Variants in SETD2 observed in about 807,000 individuals in gnomAD.
The protein encoded by SETD2 is SET domain containing 2, histone lysine methyltransferase, also known as histone-lysine N-methyltransferase SETD2.
A neutral mutation model predicts 242.1 loss-of-function variants in SETD2; 31 were observed. That is an observed-to-expected ratio of 0.13 (90% CI 0.10 to 0.17). SETD2 has a LOEUF of 0.17. Ranked by LOEUF, SETD2 falls within the 10% of genes least tolerant of loss-of-function variation. SETD2 has a pLI of 1.00. For missense variants in SETD2, 2,481 were observed against 3,046.3 expected (o/e 0.81, Z 4.37); for synonymous variants, 1,006 against 1,066.5 (o/e 0.94, Z 1.11).
In SETD2 at chr3:47,031,320, T is replaced by C. The variant is rs186235859; in HGVS notation, c.7350+6346A>G. Among the ~76,000 whole-genome samples the C allele has an allele frequency of 2.1e-3, 318 of 152,332 alleles. 1 individual carries two copies. The highest frequency in any genetic ancestry group is 7.4e-3 in the African/African-American group (306 of 41,572). ...ACAAAGTACCACTCTTGTGCTTTGATGTTGACAGAAAGGGAAGCTTGTGCG... is the reference window on the plus strand; with the variant it reads ...ACAAAGTACCACTCTTGTGCTTTGACGTTGACAGAAAGGGAAGCTTGTGCG... On this transcript the variant is annotated intron_variant, in intron 18 of 20. Coordinates refer to ENST00000409792, the MANE Select transcript of SETD2 (RefSeq NM_014159.7).
In SETD2 at chr3:47,019,743, T is replaced by C. The variant is rs755841858; in HGVS notation, c.7431+17A>G. 3 of 1,605,068 alleles carry C rather than the reference T, an allele frequency of 1.9e-6. No individual in the cohort carries two copies. The highest frequency in any genetic ancestry group is 1.7e-6 in the Non-Finnish European group (2 of 1,171,852). ...TTAAGCCTGAGGAGCTTAGTGCTTA[T>C]ATCCACCAAACCTTACCTCTTTTCT... On this transcript the variant is annotated intron_variant, in intron 19 of 20. Transcript: ENST00000409792.
intron 12 of SETD2, among the ~76,000 whole-genome samples, chr3:47,079,450 T>C (rs1302364192): frequency 6.6e-6 from 1 of 152,152 alleles, no homozygotes; most frequent in Non-Finnish European, 1.5e-5. Flanking sequence ...AAAAACTAAT[T>C]TCATGGGCAG....
intron 5 of SETD2, among the ~76,000 whole-genome samples, chr3:47,108,539 A>G (rs191321296): frequency 6.6e-6 from 1 of 152,294 alleles, no homozygotes; most frequent in East Asian, 1.9e-4. Context: ...GCTTTCTTGA[A>G]TTTTACTAAA....
rs555880158 is a variant in SETD2, at chr3:47,085,856, T to C, written c.5397+339A>G. On this transcript the variant is annotated intron_variant, in intron 11 of 20. Transcript: ENST00000409792. ...AATTCTTTAGACCCCACAGTTCAAA[T>C]TTTATATGACTTCCCATCTTTTTAA... 1.4e-4 allele frequency among the ~76,000 whole-genome samples: 21 copies of C among 152,056 alleles called. No individual in the cohort carries two copies. The East Asian group carries it at 4.1e-3, about 29-fold the overall frequency.
chr3:47,042,499 T>C (rs182205596), intron 17 of SETD2, 62 bp downstream of exon 17: 17 of 1,562,818 alleles, frequency 1.1e-5, no homozygotes, highest in South Asian at 3.3e-5. Flanking sequence ...ACTCCCCTTA[T>C]AGTGGCAACT....
chr3:47,030,317 A>T (rs1237303538), intron 18 of SETD2, among the ~76,000 whole-genome samples: 1 of 152,192 alleles, frequency 6.6e-6, no homozygotes, highest in South Asian at 2.1e-4. Flanking sequence ...GGATGAGCTT[A>T]GCTAATTCAA....
chr3:47,059,217 AGT>A (rs1394245321), intron 14 of SETD2, among the ~76,000 whole-genome samples: 7 of 148,352 alleles, frequency 4.7e-5, no homozygotes, highest in South Asian at 2.1e-4. Context: ...CCCGGGTTCA[AGT>A]GCTTCTCCTG....
chr3:47,027,126 G>A (rs147807315), intron 18 of SETD2, among the ~76,000 whole-genome samples: 2,912 of 151,994 alleles, frequency 0.019, 48 homozygotes, highest in Non-Finnish European at 0.029. Flanking sequence ...ACAAGGTCAG[G>A]AGATCGAGAT....
chr3:47,086,363 C>G lies in SETD2; in HGVS notation c.5278-49G>C, dbSNP rs1339465238. The G allele has an allele frequency of 1.9e-6, 3 of 1,589,896 alleles. No homozygotes were observed. In the South Asian group the frequency reaches 3.3e-5, roughly 18 times the overall value. ...GATGCAGAGCATTGGGAGGCAATAT[C>G]AGAATATTACAAAGAGCCCGAGGAG... On this transcript the variant is annotated intron_variant, in intron 10 of 20. Coordinates refer to ENST00000409792, the MANE Select transcript of SETD2 (RefSeq NM_014159.7).
At chr3:47,043,780 T>C (rs2039391219) in intron 16 of SETD2, among the ~76,000 whole-genome samples, 1 of 152,162 alleles carries the variant, frequency 6.6e-6, no homozygotes, top group Non-Finnish European at 1.5e-5. Context: ...CCAGCTTAAG[T>C]TTCAATTCCT....
intron 1 of SETD2, among the ~76,000 whole-genome samples, chr3:47,134,527 G>C (rs144708269): frequency 6.6e-5 from 10 of 152,258 alleles, no homozygotes; most frequent in African/African-American, 2.2e-4. Context: ...GTAGGGAATG[G>C]ATGTCCTAGC....
chr3:47,076,280 G>A (rs923794084), intron 12 of SETD2, among the ~76,000 whole-genome samples: 1 of 152,206 alleles, frequency 6.6e-6, no homozygotes, highest in Admixed American at 6.5e-5. Context: ...GTCTACAATG[G>A]CTTGAGAGGA....
At chr3:47,102,000 A>C (rs985138798) in intron 7 of SETD2, among the ~76,000 whole-genome samples, 6 of 152,208 alleles carry the variant, frequency 3.9e-5, no homozygotes, top group Non-Finnish European at 7.4e-5. Flanking sequence ...GAGATATAGA[A>C]ACTAGGAAAC....
At chr3:47,019,665 G>A in intron 19 of SETD2, 95 bp downstream of exon 19, 2 of 1,063,734 alleles carry the variant, frequency 1.9e-6, no homozygotes, top group Admixed American at 3.6e-5. Flanking sequence ...TGCCTATCTT[G>A]GGGCAAAGGA....
At chr3:47,161,939 G>A (rs1273652635) in intron 1 of SETD2, among the ~76,000 whole-genome samples, 2 of 149,660 alleles carry the variant, frequency 1.3e-5, no homozygotes, top group Non-Finnish European at 3.0e-5. Flanking sequence ...AAAAATACAC[G>A]AGAATTTAAA....
Position 47,016,979 on chromosome 3 carries a change from G to GATGT in SETD2, c.*110_*113dup. ...TCTGCAGGGTTGAATTCCCCAGGGT[G>GATGT]ATGTATCATCAGTAGCACAGTGCTG... On this transcript the variant is annotated 3_prime_UTR_variant, in exon 21 of 21. Transcript: ENST00000409792. The GATGT allele has an allele frequency of 9.8e-7, 1 of 1,016,538 alleles. No individual in the cohort carries two copies. The highest frequency in any genetic ancestry group is 2.4e-5 in the East Asian group (1 of 41,782). 63.0% of individuals were successfully genotyped at this position (1,016,538 alleles called of 1,614,324 possible).
intron 17 of SETD2, among the ~76,000 whole-genome samples, chr3:47,039,403 T>A (rs1268804006): frequency 6.6e-6 from 1 of 151,864 alleles, no homozygotes; most frequent in Admixed American, 6.5e-5. Flanking sequence ...TTAGTATAGG[T>A]GAGGTTTCAC....
chr3:47,027,029 C>T (rs2038512818), intron 18 of SETD2, among the ~76,000 whole-genome samples: 1 of 151,878 alleles, frequency 6.6e-6, no homozygotes. Context: ...ACATAAAATG[C>T]CCACAAGAGG....
At chr3:47,074,454 A>G (rs946207054) in intron 12 of SETD2, among the ~76,000 whole-genome samples, 2 of 152,066 alleles carry the variant, frequency 1.3e-5, no homozygotes, top group Admixed American at 6.6e-5. Context: ...AGTACCAAAG[A>G]CTCTTGTGCA....
Sources: gnomAD v4.1 joint callset for allele counts (sites outside exome capture counted in the v4.1 genomes callset) on GRCh38, gnomAD v4.1.1 for gene constraint, MANE v1.5 for transcripts, NCBI Gene and HGNC (gene_info 2026-07-23, HGNC 2026-07-21) for gene names.